The following LDB2 variants were observed in gnomAD, a reference collection of about 807,000 sequenced individuals.
The protein encoded by LDB2 is LIM domain-binding protein 2.
Under a neutral mutation model 44.3 loss-of-function variants are expected in LDB2, and 12 were observed. That is an observed-to-expected ratio of 0.27 (90% CI 0.17 to 0.44). The LOEUF (loss-of-function observed/expected upper bound fraction) is 0.44, where lower values mean the gene tolerates loss of function less well. Among genes scored for constraint, LDB2 ranks in the 20% least tolerant of loss-of-function variants. LDB2 has a pLI of 1.00. For missense variants in LDB2, 344 were observed against 473.5 expected (o/e 0.73, Z 2.54); for synonymous variants, 164 against 174.8 (o/e 0.94, Z 0.49).
intron 3 of LDB2, among the ~76,000 whole-genome samples, chr4:16,591,814 A>T (rs1719070020): frequency 6.6e-6 from 1 of 152,242 alleles, no homozygotes; most frequent in East Asian, 1.9e-4. Flanking sequence ...TCTCTTCAGA[A>T]AAATTCTGTG....
intron 6 of LDB2, among the ~76,000 whole-genome samples, chr4:16,509,758 TG>T (rs2152225081): frequency 6.6e-6 from 1 of 152,296 alleles, no homozygotes; most frequent in Admixed American, 6.5e-5. Flanking sequence ...CTGACTGTGA[TG>T]GAGAGAAGGC....
At chr4:16,680,894 C>T (rs1747664037) in intron 2 of LDB2, among the ~76,000 whole-genome samples, 3 of 152,152 alleles carry the variant, frequency 2.0e-5, no homozygotes, top group African/African-American at 4.8e-5. Context: ...AAGAAACACC[C>T]ACCCACAAGT....
chr4:16,627,303 A>T (rs185664959), intron 2 of LDB2, among the ~76,000 whole-genome samples: 4 of 152,304 alleles, frequency 2.6e-5, no homozygotes, highest in Non-Finnish European at 5.9e-5. Context: ...GATGTGGCCC[A>T]TACTACTGGG....
chr4:16,897,111 G>C (rs1338623277), intron 1 of LDB2, among the ~76,000 whole-genome samples: 1 of 152,314 alleles, frequency 6.6e-6, no homozygotes, highest in East Asian at 1.9e-4. Context: ...GTCACATCTT[G>C]TTAGCTGTAT....
At chr4:16,556,914 T>G (rs779381361) in intron 5 of LDB2, among the ~76,000 whole-genome samples, 1 of 152,214 alleles carries the variant, frequency 6.6e-6, no homozygotes, top group Non-Finnish European at 1.5e-5. Context: ...GAAAACTCTA[T>G]GGTCAGAAAA....
chr4:16,782,540 C>T (rs1221023196), intron 1 of LDB2, among the ~76,000 whole-genome samples: 10 of 151,852 alleles, frequency 6.6e-5, no homozygotes, highest in Admixed American at 1.3e-4. Context: ...TTAGTAGAGA[C>T]GGGGTTTCAC....
chr4:16,728,022 T>C (rs997299020), intron 2 of LDB2, among the ~76,000 whole-genome samples: 1 of 152,156 alleles, frequency 6.6e-6, no homozygotes, highest in Middle Eastern at 3.2e-3. Flanking sequence ...TACAATTTGC[T>C]GGAGATCTGA....
intron 2 of LDB2, among the ~76,000 whole-genome samples, chr4:16,665,859 G>T (rs62296950): frequency 0.13 from 19,494 of 152,148 alleles, 1,461 homozygotes; most frequent in East Asian, 0.26. Flanking sequence ...TATAGGTGAA[G>T]AGAAGGGAAA....
chr4:16,607,369 C>T (rs565242610), intron 2 of LDB2, among the ~76,000 whole-genome samples: 2 of 152,342 alleles, frequency 1.3e-5, no homozygotes, highest in African/African-American at 4.8e-5. Flanking sequence ...CCAGAACCAT[C>T]CTCCTTGCCC....
chr4:16,839,619 G>A (rs1254201649), intron 1 of LDB2, among the ~76,000 whole-genome samples: 2 of 152,132 alleles, frequency 1.3e-5, no homozygotes, highest in African/African-American at 4.8e-5. Flanking sequence ...CCCAAGTTAA[G>A]TAATCTGTCA....
intron 5 of LDB2, among the ~76,000 whole-genome samples, chr4:16,553,070 A>T (rs1457928822): frequency 6.6e-6 from 1 of 152,210 alleles, no homozygotes; most frequent in Non-Finnish European, 1.5e-5. Context: ...TCAAAGAAAG[A>T]AATAGCCCTT....
intron 5 of LDB2, among the ~76,000 whole-genome samples, chr4:16,545,217 C>T (rs917141726): frequency 2.8e-5 from 4 of 145,226 alleles, no homozygotes; most frequent in South Asian, 2.3e-4. Context: ...TCTGTTTTTT[C>T]CCCCCTCCCT....
intron 2 of LDB2, among the ~76,000 whole-genome samples, chr4:16,666,787 T>C (rs7687981): frequency 0.98 from 149,873 of 152,334 alleles, 73,774 homozygotes; most frequent in Middle Eastern, 1. Context: ...AGTCCAAAAG[T>C]GACAGTGCAG....
chr4:16,659,689 A>ATATATATATATGTATG (rs1310756163), intron 2 of LDB2, among the ~76,000 whole-genome samples: 1 of 140,592 alleles, frequency 7.1e-6, no homozygotes, highest in East Asian at 2.3e-4. Flanking sequence ...ATATATATAT[A>ATATATATATATGTATG]TATGTATGTA....
intron 1 of LDB2, among the ~76,000 whole-genome samples, chr4:16,781,689 T>C (rs185281828): frequency 7.4e-4 from 113 of 152,306 alleles, no homozygotes; most frequent in East Asian, 4.4e-3. Context: ...CTGTGCTCGA[T>C]TGAATGGTGT....
intron 5 of LDB2, 75 bp from the exon 6 acceptor site, chr4:16,512,179 A>G: frequency 7.7e-7 from 1 of 1,306,026 alleles, no homozygotes; most frequent in Non-Finnish European, 1.0e-6. Context: ...TAACAGCTGG[A>G]ATCAAGTAGA....
chr4:16,777,664 T>C (rs970505700), intron 1 of LDB2, among the ~76,000 whole-genome samples: 1 of 152,154 alleles, frequency 6.6e-6, no homozygotes, highest in Non-Finnish European at 1.5e-5. Context: ...CTCCACTCCT[T>C]AATACCTGTG....
chr4:16,731,984 C>T (rs114030388), intron 2 of LDB2, among the ~76,000 whole-genome samples: 36 of 152,286 alleles, frequency 2.4e-4, no homozygotes, highest in African/African-American at 8.7e-4. Context: ...CTAAGAATGT[C>T]CCAACAGGAA....
intron 2 of LDB2, among the ~76,000 whole-genome samples, chr4:16,741,205 A>T (rs968881699): frequency 6.6e-6 from 1 of 152,206 alleles, no homozygotes; most frequent in Admixed American, 6.5e-5. Context: ...GTTTTGAAAG[A>T]TCTTCCTTTT....
Sources: allele counts gnomAD v4.1 joint callset (sites outside exome capture counted in the v4.1 genomes callset), GRCh38; gene constraint gnomAD v4.1.1; transcripts MANE v1.5; gene names NCBI Gene and HGNC (gene_info 2026-07-23, HGNC 2026-07-21).